SMURF1: variants seen among roughly 807,000 people sequenced by gnomAD.
SMURF1 encodes E3 ubiquitin-protein ligase SMURF1.
Under a neutral mutation model 98.0 loss-of-function variants are expected in SMURF1, and 44 were observed. The ratio of observed to expected loss-of-function variants is 0.45; its 90% CI spans 0.35 to 0.58. SMURF1 has a LOEUF of 0.58. Among genes scored for constraint, SMURF1 ranks in the 20% least tolerant of loss-of-function variants. The pLI is 0.00. For synonymous variants in SMURF1, 396 were observed against 374.9 expected, an observed-to-expected ratio of 1.06 and a Z score of -0.65; for missense variants, 687 against 938.4, an observed-to-expected ratio of 0.73 and a Z score of 3.50.
chr7:99,109,286 C>G (rs957307169), intron 1 of SMURF1, among the ~76,000 whole-genome samples: 2 of 152,232 alleles, frequency 1.3e-5, no homozygotes, highest in Non-Finnish European at 2.9e-5. Context: ...CTCACAGACA[C>G]CGGCAAGCCG....
intron 6 of SMURF1, among the ~76,000 whole-genome samples, chr7:99,054,343 GTC>G (rs1378142264): frequency 6.6e-6 from 1 of 152,104 alleles, no homozygotes; most frequent in Non-Finnish European, 1.5e-5. Flanking sequence ...GTCTTGCTCT[GTC>G]ACCCAGGCTG....
At chr7:99,043,456 A>T (rs1412260112) in intron 11 of SMURF1, among the ~76,000 whole-genome samples, 2 of 152,058 alleles carry the variant, frequency 1.3e-5, no homozygotes, top group African/African-American at 2.4e-5. Flanking sequence ...GAGATTCCCA[A>T]CTCTTTCCAC....
rs770462961 is a variant in SMURF1, at chr7:99,040,299, G to GCGCGCGCGCA, written c.1550+69_1550+78dup. The GCGCGCGCGCA allele has an allele frequency of 4.8e-4, 618 of 1,290,850 alleles. 1 individual carries two copies. The highest frequency in any genetic ancestry group is 5.8e-4 in the Non-Finnish European group (569 of 982,998). The allele number at this position is 1,290,850 out of a possible 1,614,324, so 80.0% of individuals were successfully genotyped here. Reference sequence around the variant, plus strand: ...ATCCCCAAAATACACACACACGCGCGCGCGCGCGCACGCGCATACATACGA... The same window carrying GCGCGCGCGCA: ...ATCCCCAAAATACACACACACGCGCGCGCGCGCGCACGCGCGCGCACGCGCATACATACGA... On this transcript the variant is annotated intron_variant, in intron 13 of 17. Coordinates refer to ENST00000361368, the MANE Select transcript of SMURF1 (RefSeq NM_181349.3).
At chr7:99,065,307 G>T (rs1400842160) in intron 1 of SMURF1, among the ~76,000 whole-genome samples, 1 of 152,060 alleles carries the variant, frequency 6.6e-6, no homozygotes, top group African/African-American at 2.4e-5. Context: ...AGGCGGGTCT[G>T]AAACTCCTGG....
At chr7:99,135,614 G>T (rs1442438953) in intron 1 of SMURF1, among the ~76,000 whole-genome samples, 1 of 152,110 alleles carries the variant, frequency 6.6e-6, no homozygotes, top group Non-Finnish European at 1.5e-5. Context: ...ACATCATTGG[G>T]AATACACGAT....
At chr7:99,050,914 C>T (rs1563005749) in intron 8 of SMURF1, 1 of 1,547,418 alleles carries the variant, frequency 6.5e-7, no homozygotes. Flanking sequence ...GTCTCTCTAA[C>T]CTGGGCTCAG....
At chr7:99,068,757 T>C (rs918465679) in intron 1 of SMURF1, among the ~76,000 whole-genome samples, 1 of 152,192 alleles carries the variant, frequency 6.6e-6, no homozygotes, top group Non-Finnish European at 1.5e-5. Context: ...AACACATTTA[T>C]TCCCCATTAT....
rs752387161 is a variant in SMURF1, at chr7:99,141,089, TGAAAGG to T, written c.55+2631_55+2636del. The stretch of plus-strand genomic sequence containing the variant: ...CTCTCAAACCATTCATAACATCTAC[TGAAAGG>T]GAAAGGGAAAGGGAAAAGGTGTTTC... On this transcript the variant is annotated intron_variant, in intron 1 of 17. Coordinates refer to ENST00000361368, the MANE Select transcript of SMURF1 (RefSeq NM_181349.3). Among the ~76,000 whole-genome samples, 93 of 152,248 alleles carry T rather than the reference TGAAAGG, an allele frequency of 6.1e-4. 1 individual carries two copies. The East Asian group carries it at 7.3e-3, about 12-fold the overall frequency.
intron 9 of SMURF1, chr7:99,048,945 G>C (rs1297538422): frequency 1.3e-5 from 2 of 152,282 alleles, no homozygotes; most frequent in African/African-American, 4.8e-5. Flanking sequence ...ACAATAATTA[G>C]CTGGGCATGG....
intron 1 of SMURF1, among the ~76,000 whole-genome samples, chr7:99,135,591 A>G (rs185770336): frequency 9.4e-4 from 143 of 152,354 alleles, no homozygotes; most frequent in African/African-American, 3.1e-3. Flanking sequence ...CTATCTTATT[A>G]TGTTACAGCT....
rs568715319 is a variant in SMURF1, at chr7:99,040,061, A to C, written c.1550+317T>G. Among the ~76,000 whole-genome samples the C allele has an allele frequency of 4.1e-4, 62 of 152,242 alleles. 1 individual carries two copies. In the South Asian group the frequency reaches 0.012, roughly 31 times the overall value. Reference sequence around the variant, plus strand: ...AGGAAACAAAAGAAACTAGTCCATGAAGAGAAACCTGCCCAACATCATGAG... The same window carrying C: ...AGGAAACAAAAGAAACTAGTCCATGCAGAGAAACCTGCCCAACATCATGAG... On this transcript the variant is annotated intron_variant, in intron 13 of 17. Transcript: ENST00000361368.
chr7:99,134,838 C>T (rs1342031746), intron 1 of SMURF1, among the ~76,000 whole-genome samples: 4 of 152,126 alleles, frequency 2.6e-5, no homozygotes, highest in African/African-American at 9.7e-5. Context: ...TTTTAAAGAA[C>T]TCACTATATA....
chr7:99,061,770 A>G (rs1796039637), intron 2 of SMURF1, 29 bp downstream of exon 2: 1 of 1,565,514 alleles, frequency 6.4e-7, no homozygotes, highest in Non-Finnish European at 8.7e-7. Context: ...ATAACATTAT[A>G]AGAGGGAAAA....
chr7:99,061,687 T>G, intron 2 of SMURF1, 112 bp downstream of exon 2: 2 of 726,622 alleles, frequency 2.8e-6, no homozygotes, highest in Non-Finnish European at 4.3e-6. Context: ...GGATTTCTAT[T>G]AAGTAAAGGG....
chr7:99,066,369 A>G (rs755836275), intron 1 of SMURF1, among the ~76,000 whole-genome samples: 31 of 152,194 alleles, frequency 2.0e-4, no homozygotes, highest in Non-Finnish European at 3.7e-4. Flanking sequence ...TCCTGGTCAC[A>G]TGTCTCACAA....
chr7:99,097,836 C>A (rs1319344385), intron 1 of SMURF1, among the ~76,000 whole-genome samples: 3 of 152,166 alleles, frequency 2.0e-5, no homozygotes, highest in Non-Finnish European at 2.9e-5. Context: ...ATATTGAATG[C>A]AGCCACAGAA....
At chr7:99,056,991 C>A (rs73145630) in intron 5 of SMURF1, among the ~76,000 whole-genome samples, 117 of 109,886 alleles carry the variant, frequency 1.1e-3, no homozygotes, top group East Asian at 1.5e-3. Flanking sequence ...AAAAAAAAAA[C>A]CAAAAAAAAA....
chr7:99,047,945 A>G, intron 9 of SMURF1, 63 bp from the exon 10 acceptor site: 1 of 1,460,606 alleles, frequency 6.8e-7, no homozygotes. Context: ...GCAAGCACCC[A>G]CGTACGCGAC....
intron 1 of SMURF1, among the ~76,000 whole-genome samples, chr7:99,111,819 A>G (rs1366882729): frequency 6.6e-6 from 1 of 152,124 alleles, no homozygotes. Flanking sequence ...TGGTTGACTG[A>G]TTTGACCTGT....
Sources: allele counts gnomAD v4.1 joint callset (sites outside exome capture counted in the v4.1 genomes callset), GRCh38; gene constraint gnomAD v4.1.1; transcripts MANE v1.5; gene names NCBI Gene and HGNC (gene_info 2026-07-23, HGNC 2026-07-21).